CMTR1: variants seen among roughly 807,000 people sequenced by gnomAD.
CMTR1 encodes the protein cap methyltransferase 1, also known as cap-specific mRNA (nucleoside-2'-O-)-methyltransferase 1.
In CMTR1, 39 loss-of-function variants were observed where a neutral mutation model predicts 107.0. That is an observed-to-expected ratio of 0.36 (90% confidence interval 0.28 to 0.48). CMTR1 has a LOEUF of 0.48. Ranked by LOEUF, CMTR1 falls within the 20% of genes least tolerant of loss-of-function variation. The pLI is 0.99. For synonymous variants in CMTR1, 366 were observed against 379.5 expected (o/e 0.96, Z 0.41); for missense variants, 672 against 1,064.9 (o/e 0.63, Z 5.14).
chr6:37,435,718 C>T lies in CMTR1; in HGVS notation c.89C>T (p.Thr30Met), dbSNP rs757196500. The T allele has an allele frequency of 1.3e-4, 209 of 1,601,798 alleles. No homozygotes were observed. Among genetic ancestry groups the T allele is most frequent in the Non-Finnish European group, 1.6e-4 (186 of 1,175,434 alleles). Residue 30 changes from threonine (T) to methionine (M), a missense_variant, in exon 2 of 24, where the codon ACG becomes ATG. Physicochemically the swap from Thr to Met is moderately conservative, Grantham distance 81 (BLOSUM62 -1). Transcript: ENST00000373451. ...GAGCTTGCCCTGAGCCTCAGCTCCA[C>T]GTCCGATGATGAACCTCCCTCCTCT... is the stretch of plus-strand genomic sequence containing the variant. ...VAELALSLSSTSDDEPPSSVS... is the reference protein window; with the variant it reads ...VAELALSLSSMSDDEPPSSVS...
chr6:37,444,217 T>C lies in CMTR1; in HGVS notation c.285+67T>C. The C allele has an allele frequency of 3.2e-6, 5 of 1,560,362 alleles. No homozygotes were observed. The South Asian group carries it at 6.0e-5, about 19-fold the overall frequency. Reference sequence around the variant, plus strand: ...AGAGTGAAAGAAGGGCAATTTGTATTTGTATGAAAAGAAGAAAAGTTTGGC... The same window carrying C: ...AGAGTGAAAGAAGGGCAATTTGTATCTGTATGAAAAGAAGAAAAGTTTGGC... On this transcript the variant is annotated intron_variant, in intron 3 of 23. Coordinates refer to ENST00000373451, the MANE Select transcript of CMTR1 (RefSeq NM_015050.3).
At position 37,477,607 on chromosome 6, in the gene CMTR1, C is replaced by T. The variant is rs761691730; in HGVS notation, c.2121C>T (p.Tyr707=). The stretch of plus-strand genomic sequence containing the variant: ...CTACCTGCAGGGTGAAGGAGGTGTA[C>T]AGACTGGAAGAGATGGAGAAGATTT... ...DMNPIRVKEV[Y]RLEEMEKIFV... is the part of the protein sequence containing the mutation. The change falls in exon 21 of 24, where the codon TAC becomes TAT. Residue 707 remains tyrosine, a synonymous_variant. Transcript: ENST00000373451. 12 of 1,613,426 alleles carry T rather than the reference C, an allele frequency of 7.4e-6. No homozygotes were observed. The Admixed American group carries it at 1.8e-4, about 25-fold the overall frequency.
chr6:37,464,807 C>T (rs1761472310), intron 13 of CMTR1, among the ~76,000 whole-genome samples: 1 of 151,580 alleles, frequency 6.6e-6, no homozygotes. Flanking sequence ...TTGTAATTTC[C>T]CTTGGGTAAA....
intron 4 of CMTR1, among the ~76,000 whole-genome samples, chr6:37,447,336 A>G (rs999293527): frequency 1.3e-5 from 2 of 152,142 alleles, no homozygotes; most frequent in African/African-American, 4.8e-5. Flanking sequence ...CTGACGAGTG[A>G]GGGGCTCATG....
intron 8 of CMTR1, among the ~76,000 whole-genome samples, chr6:37,454,150 A>G (rs115800815): frequency 6.6e-6 from 1 of 152,324 alleles, no homozygotes; most frequent in African/African-American, 2.4e-5. Flanking sequence ...CGGTCCTAGA[A>G]AGTTACTTTT....
Position 37,480,648 on chromosome 6 carries a change from GT to G in CMTR1, c.*506del, listed in dbSNP as rs2113899927. 1 of 1,021,246 alleles carries G rather than the reference GT, an allele frequency of 9.8e-7. No individual in the cohort carries two copies. The highest frequency in any genetic ancestry group is 3.9e-5 in the South Asian group (1 of 25,694). 63.3% of individuals were successfully genotyped at this position (1,021,246 alleles called of 1,614,324 possible). On this transcript the variant is annotated 3_prime_UTR_variant, in exon 24 of 24. Transcript: ENST00000373451. ...CCTGCTATAAAAAAATCAAGGTTTT[GT>G]TTCTTTGAACTTACTCTGTTTTGAT...
Position 37,446,233 on chromosome 6 carries a change from G to A in CMTR1, c.286-58G>A. 2.5e-6 allele frequency: 4 copies of A among 1,569,266 alleles called. No homozygotes were observed. The South Asian group carries it at 3.4e-5, about 13-fold the overall frequency. ...TAGCACACTGTTTGGCATGTGATGG[G>A]GCTAAATAAATGTCTGTTGAACCTA... On this transcript the variant is annotated intron_variant, in intron 3 of 23. Transcript: ENST00000373451.
At position 37,454,140 on chromosome 6, in the gene CMTR1, C is replaced by T. The variant is rs118169755; in HGVS notation, c.777+828C>T. ...TTCAGGGTTTCAAAGCATTTTTACC[C>T]GGTCCTAGAAAGTTACTTTTCTTTG... On this transcript the variant is annotated intron_variant, in intron 8 of 23. Transcript: ENST00000373451. Among the ~76,000 whole-genome samples, 53 of 152,318 alleles carry T rather than the reference C, an allele frequency of 3.5e-4. No homozygotes were observed. The East Asian group carries it at 8.5e-3, about 24-fold the overall frequency.
intron 2 of CMTR1, among the ~76,000 whole-genome samples, chr6:37,439,474 C>A (rs1015421065): frequency 8.5e-5 from 13 of 152,194 alleles, no homozygotes; most frequent in African/African-American, 3.1e-4. Flanking sequence ...ACATTAAAGG[C>A]GCCTTCCTCT....
At chr6:37,443,555 A>T (rs1771719710) in intron 2 of CMTR1, among the ~76,000 whole-genome samples, 1 of 152,102 alleles carries the variant, frequency 6.6e-6, no homozygotes, top group African/African-American at 2.4e-5. Context: ...GGGTTTCACC[A>T]TGTTGGCCAG....
chr6:37,446,725 A>T (rs536249442), intron 4 of CMTR1, among the ~76,000 whole-genome samples: 1 of 152,346 alleles, frequency 6.6e-6, no homozygotes, highest in Admixed American at 6.5e-5. Flanking sequence ...AAAAACTTTA[A>T]TAAATAGTTA....
chr6:37,451,777 C>T (rs768959584), intron 5 of CMTR1, 29 bp from the exon 6 acceptor site: 67 of 1,568,188 alleles, frequency 4.3e-5, no homozygotes, highest in Non-Finnish European at 5.8e-5. Context: ...CACACGTGGT[C>T]ATTACTTACT....
intron 1 of CMTR1, among the ~76,000 whole-genome samples, chr6:37,433,789 C>G (rs151316885): frequency 5.9e-4 from 90 of 152,354 alleles, no homozygotes; most frequent in Non-Finnish European, 1.2e-3. Flanking sequence ...CCAGAGCATT[C>G]TGCTGGCATG....
chr6:37,479,893 C>A (rs984664201), intron 23 of CMTR1, 120 bp from the exon 24 acceptor site: 3 of 1,021,582 alleles, frequency 2.9e-6, no homozygotes, highest in Admixed American at 3.0e-5. Flanking sequence ...TTTTGCCTGC[C>A]GGGGGAAGAA....
intron 4 of CMTR1, among the ~76,000 whole-genome samples, chr6:37,448,655 C>T (rs930791214): frequency 2.6e-5 from 4 of 152,144 alleles, no homozygotes; most frequent in Non-Finnish European, 5.9e-5. Flanking sequence ...ATTGTGATAC[C>T]ATTTTATGCC....
rs1761832720 is a variant in CMTR1 at position 37,480,509 on chromosome 6, T to A, written c.*364T>A. Reference sequence around the variant, plus strand: ...TCTCTCCTGCATCCTGTAGACTCACTTTTCTGAGTTCCATGCACTGCCCTG... The same window carrying A: ...TCTCTCCTGCATCCTGTAGACTCACATTTCTGAGTTCCATGCACTGCCCTG... On this transcript the variant is annotated 3_prime_UTR_variant, in exon 24 of 24. Transcript: ENST00000373451. 2 of 1,092,622 alleles carry A rather than the reference T, an allele frequency of 1.8e-6. No individual in the cohort carries two copies. Among genetic ancestry groups the A allele is most frequent in the Admixed American group, 5.3e-5 (1 of 18,942 alleles). 67.7% of individuals were successfully genotyped at this position (1,092,622 alleles called of 1,614,324 possible).
At chr6:37,434,143 C>T (rs1260843518) in intron 1 of CMTR1, among the ~76,000 whole-genome samples, 2 of 152,018 alleles carry the variant, frequency 1.3e-5, no homozygotes, top group South Asian at 2.1e-4. Flanking sequence ...TGAAATGTGG[C>T]TTAGCTTGGT....
chr6:37,466,255 G>C (rs1384988815), intron 13 of CMTR1, among the ~76,000 whole-genome samples: 1 of 151,672 alleles, frequency 6.6e-6, no homozygotes, highest in Non-Finnish European at 1.5e-5. Flanking sequence ...TGGGATTACA[G>C]GTGCGTGCCA....
intron 8 of CMTR1, among the ~76,000 whole-genome samples, chr6:37,456,534 A>G (rs1168773400): frequency 6.6e-6 from 1 of 152,172 alleles, no homozygotes; most frequent in Non-Finnish European, 1.5e-5. Context: ...CCTAGAAGTG[A>G]TTGGGTTGTA....
Sources: allele counts gnomAD v4.1 joint callset (sites outside exome capture counted in the v4.1 genomes callset), GRCh38; gene constraint gnomAD v4.1.1; transcripts MANE v1.5; gene names NCBI Gene and HGNC (gene_info 2026-07-23, HGNC 2026-07-21).